XRCC4: variants seen among roughly 807,000 people sequenced by gnomAD.
The protein encoded by XRCC4 is DNA repair protein XRCC4.
XRCC4 carries 28 observed loss-of-function variants against 39.1 expected under a neutral mutation model. The observed-to-expected ratio is 0.72, with a 90% CI of 0.53 to 0.98. The LOEUF (loss-of-function observed/expected upper bound fraction) is 0.98. Among genes scored for constraint, XRCC4 ranks in the 50% least tolerant of loss-of-function variants. XRCC4 has a pLI of 0.00. For synonymous variants in XRCC4, 123 were observed against 126.4 expected (o/e 0.97, Z 0.18); for missense variants, 350 against 376.4 (o/e 0.93, Z 0.58).
the XRCC4 span, among the ~76,000 whole-genome samples, chr5:83,370,704 A>C: frequency 6.6e-6 from 1 of 152,058 alleles, no homozygotes; most frequent in Non-Finnish European, 1.5e-5. Flanking sequence ...TGACTTTTTC[A>C]TCTCCATGAC....
the XRCC4 span, among the ~76,000 whole-genome samples, chr5:83,367,250 G>T: frequency 6.6e-6 from 1 of 152,286 alleles, no homozygotes; most frequent in African/African-American, 2.4e-5. Context: ...TTGAGAGGTT[G>T]TCTAAAGTAC....
intron 4 of XRCC4, among the ~76,000 whole-genome samples, chr5:83,201,013 TTTGC>T (rs1751168051): frequency 6.6e-6 from 1 of 152,346 alleles, no homozygotes; most frequent in African/African-American, 2.4e-5. Flanking sequence ...CTCAGAGAAC[TTTGC>T]TTAATGAAGG....
At chr5:83,233,919 A>AT in intron 6 of XRCC4, among the ~76,000 whole-genome samples, 1 of 150,648 alleles carries the variant, frequency 6.6e-6, no homozygotes, top group Non-Finnish European at 1.5e-5. Context: ...AAAAAAAAAA[A>AT]AGAATTCTAG....
chr5:83,220,147 A>G (rs1752025334), intron 6 of XRCC4, among the ~76,000 whole-genome samples: 1 of 152,138 alleles, frequency 6.6e-6, no homozygotes, highest in Non-Finnish European at 1.5e-5. Flanking sequence ...ACTACAATTA[A>G]TCAATTTTTT....
intron 7 of XRCC4, among the ~76,000 whole-genome samples, chr5:83,313,236 T>G (rs1230203277): frequency 6.6e-6 from 1 of 152,140 alleles, no homozygotes; most frequent in Admixed American, 6.6e-5. Flanking sequence ...ATTAACTTTC[T>G]TACGTATCCT....
intron 7 of XRCC4, among the ~76,000 whole-genome samples, chr5:83,262,854 T>TA (rs1413820883): frequency 1.9e-4 from 25 of 134,968 alleles, no homozygotes; most frequent in African/African-American, 9.5e-4. Flanking sequence ...TTTTTTTTTT[T>TA]TTTTATACTT....
intron 6 of XRCC4, among the ~76,000 whole-genome samples, chr5:83,254,717 TTA>T (rs1413618406): frequency 1.3e-5 from 2 of 152,130 alleles, no homozygotes; most frequent in Non-Finnish European, 2.9e-5. Context: ...ATTGTAGTAT[TTA>T]GCATCAAGAC....
intron 3 of XRCC4, among the ~76,000 whole-genome samples, chr5:83,135,890 C>A (rs983587128): frequency 6.6e-6 from 1 of 152,014 alleles, no homozygotes; most frequent in Non-Finnish European, 1.5e-5. Context: ...GATTTTTCTG[C>A]TCCATATGTG....
chr5:83,217,080 C>T (rs1177040443), intron 6 of XRCC4, among the ~76,000 whole-genome samples: 8 of 151,674 alleles, frequency 5.3e-5, no homozygotes, highest in Admixed American at 3.3e-4. Flanking sequence ...ATTGTGAGGT[C>T]GGGTAGCTCA....
intron 7 of XRCC4, among the ~76,000 whole-genome samples, chr5:83,349,081 T>G (rs1008454725): frequency 4.6e-5 from 7 of 152,190 alleles, no homozygotes; most frequent in Non-Finnish European, 1.0e-4. Context: ...CATCTTCCTA[T>G]CTTCTTCCAA....
intron 6 of XRCC4, among the ~76,000 whole-genome samples, chr5:83,251,710 G>C (rs1182413578): frequency 6.6e-6 from 1 of 152,044 alleles, no homozygotes; most frequent in African/African-American, 2.4e-5. Flanking sequence ...GACCTCCTGA[G>C]TTACCCCAGT....
intron 7 of XRCC4, among the ~76,000 whole-genome samples, chr5:83,332,264 CACAGAA>C (rs1301231621): frequency 6.8e-6 from 1 of 147,814 alleles, no homozygotes; most frequent in Non-Finnish European, 1.5e-5. Flanking sequence ...CACACACACA[CACAGAA>C]AGAGAGAGAG....
At chr5:83,332,113 C>A (rs772167390) in intron 7 of XRCC4, among the ~76,000 whole-genome samples, 1 of 152,058 alleles carries the variant, frequency 6.6e-6, no homozygotes. Flanking sequence ...CTGTATTCTT[C>A]TAATAAAGTC....
intron 3 of XRCC4, among the ~76,000 whole-genome samples, chr5:83,165,009 T>C (rs200969240): frequency 6.6e-6 from 1 of 152,010 alleles, no homozygotes; most frequent in Non-Finnish European, 1.5e-5. Flanking sequence ...CTTCTAATAA[T>C]GTTAAATGTT....
At position 83,154,683 on chromosome 5, in the gene XRCC4, GTCTT is replaced by G. The variant is rs538150925; in HGVS notation, c.316-41081_316-41078del. Among the ~76,000 whole-genome samples the G allele has an allele frequency of 6.6e-5, 10 of 152,214 alleles. No individual in the cohort carries two copies. In the East Asian group the frequency reaches 1.7e-3, roughly 26 times the overall value. On this transcript the variant is annotated intron_variant, in intron 3 of 7. Coordinates refer to ENST00000396027, the MANE Select transcript of XRCC4 (RefSeq NM_003401.5). The stretch of plus-strand genomic sequence containing the variant: ...TATGGCCCAGGCATCAAGAGCAATA[GTCTT>G]TCTTTTATTGAACTTGAGCATTTCA...
rs374108804 is a variant in XRCC4 at position 83,258,715 on chromosome 5, A to C, written c.893+38A>C. ...ATTCTTTGCCAAGAAGTGAGATGAC[A>C]TTTTTGAAAATCTAGCATATGATCT... On this transcript the variant is annotated intron_variant, in intron 7 of 7. Coordinates refer to ENST00000396027, the MANE Select transcript of XRCC4 (RefSeq NM_003401.5). 6.9e-6 allele frequency: 11 copies of C among 1,591,680 alleles called. No homozygotes were observed. In the East Asian group the frequency reaches 2.0e-4, roughly 29 times the overall value.
intron 7 of XRCC4, among the ~76,000 whole-genome samples, chr5:83,297,478 A>G (rs962251398): frequency 6.6e-6 from 1 of 151,966 alleles, no homozygotes; most frequent in East Asian, 1.9e-4. Context: ...ATGCTTAGGA[A>G]CATTTTCTCT....
At chr5:83,268,587 C>T (rs1342677226) in intron 7 of XRCC4, among the ~76,000 whole-genome samples, 1 of 152,092 alleles carries the variant, frequency 6.6e-6, no homozygotes, top group Non-Finnish European at 1.5e-5. Flanking sequence ...GAAAACCTTC[C>T]TTGTCATAGA....
At chr5:83,146,300 G>A (rs1271442142) in intron 3 of XRCC4, among the ~76,000 whole-genome samples, 2 of 152,126 alleles carry the variant, frequency 1.3e-5, no homozygotes, top group Non-Finnish European at 2.9e-5. Context: ...CTGGCAAGGG[G>A]ACTTTCTCTG....
Sources: gnomAD v4.1 joint callset for allele counts (sites outside exome capture counted in the v4.1 genomes callset) on GRCh38, gnomAD v4.1.1 for gene constraint, MANE v1.5 for transcripts, NCBI Gene and HGNC (gene_info 2026-07-23, HGNC 2026-07-21) for gene names.